The following HARS2 variants were observed in gnomAD, a reference collection of about 807,000 sequenced individuals.
HARS2 encodes histidyl-tRNA synthetase 2, mitochondrial.
Under a neutral mutation model 62.4 loss-of-function variants are expected in HARS2, and 40 were observed. The ratio of observed to expected loss-of-function variants is 0.64; its 90% confidence interval spans 0.50 to 0.83. HARS2 has a LOEUF of 0.83. Ranked by LOEUF, HARS2 falls within the 40% of genes least tolerant of loss-of-function variation. The probability of loss-of-function intolerance (pLI) is 0.00; values close to 1 mark genes in which losing one functional copy is unlikely to be tolerated. For synonymous variants in HARS2, 228 were observed against 227.0 expected, an observed-to-expected ratio of 1.00 and a Z score of -0.04; for missense variants, 569 against 626.4, an observed-to-expected ratio of 0.91 and a Z score of 0.98.
intron 1 of HARS2, 62 bp downstream of exon 1, chr5:140,691,818 C>A: frequency 8.7e-7 from 1 of 1,145,798 alleles, no homozygotes; most frequent in Non-Finnish European, 1.3e-6. Context: ...GAACGCATAG[C>A]CTCGCGGCCT....
chr5:140,692,183 A>C, intron 1 of HARS2: 1 of 192,570 alleles, frequency 5.2e-6, no homozygotes, highest in Non-Finnish European at 1.1e-5. Flanking sequence ...AATCTCAGAA[A>C]AACATTTTCA....
intron 2 of HARS2, 114 bp from the exon 3 acceptor site, chr5:140,693,821 T>G: frequency 7.7e-7 from 1 of 1,304,570 alleles, no homozygotes; most frequent in South Asian, 1.2e-5. Flanking sequence ...TCATTTGAAC[T>G]CAGTAGATTT....
chr5:140,693,446 G>A, intron 1 of HARS2, 145 bp from the exon 2 acceptor site: 1 of 1,527,530 alleles, frequency 6.5e-7, no homozygotes, highest in Non-Finnish European at 8.9e-7. Context: ...GGGTGGGACT[G>A]AGATTGGGAT....
At chr5:140,695,363 G>A (rs564816857) in intron 4 of HARS2, 145 bp from the exon 5 acceptor site, 10 of 878,254 alleles carry the variant, frequency 1.1e-5, no homozygotes, top group East Asian at 2.4e-5. Flanking sequence ...TCCAAGCACT[G>A]CTAGGCCTTG....
Position 140,698,906 on chromosome 5 carries a change from G to A in HARS2, c.*354G>A, listed in dbSNP as rs539680299. 80 of 344,550 alleles carry A rather than the reference G, an allele frequency of 2.3e-4. 2 individuals carry two copies. Among genetic ancestry groups the A allele is most frequent in the South Asian group, 2.2e-3 (80 of 36,656 alleles). 21.3% of individuals were successfully genotyped at this position (344,550 alleles called of 1,614,324 possible). A position where few individuals can be genotyped will look rare whatever the true frequency, so the allele number is the denominator to read the frequency against. Reference sequence around the variant, plus strand: ...TCAGGATTCTGAACCATTGAGATCAGAAACCAGATACTTAGCCTTCTACTG... The same window carrying A: ...TCAGGATTCTGAACCATTGAGATCAAAAACCAGATACTTAGCCTTCTACTG... On this transcript the variant is annotated 3_prime_UTR_variant, in exon 13 of 13. Transcript: ENST00000230771.
intron 11 of HARS2, 44 bp from the exon 12 acceptor site, chr5:140,697,888 T>A: frequency 6.3e-7 from 1 of 1,599,750 alleles, no homozygotes; most frequent in Non-Finnish European, 8.6e-7. Flanking sequence ...GGTTTGTTGC[T>A]GTGTTCACTT....
At chr5:140,693,466 G>C (rs778893118) in intron 1 of HARS2, 125 bp from the exon 2 acceptor site, 1 of 1,575,846 alleles carries the variant, frequency 6.3e-7, no homozygotes, top group Non-Finnish European at 8.6e-7. Context: ...TAGATGAAAT[G>C]GTGCTTTGGC....
rs370203603 is a variant in HARS2, at chr5:140,693,627, C to T, written c.145C>T (p.His49Tyr). 9.3e-6 allele frequency: 15 copies of T among 1,613,946 alleles called. No individual in the cohort carries two copies. The African/African-American group carries it at 1.9e-4, about 20-fold the overall frequency. ...AGTGTTAACATCCCAACTGAAAGCA[C>T]ATCAAGAGAAACCAAATTTTATTAT... ...EAVLTSQLKA[H>Y]QEKPNFIIKT... Residue 49 changes from histidine to tyrosine, a missense_variant, in exon 2 of 13, where the codon CAT becomes TAT. Coordinates refer to ENST00000230771, the MANE Select transcript of HARS2 (RefSeq NM_012208.4).
intron 12 of HARS2, 72 bp downstream of exon 12, chr5:140,698,150 T>C (rs1759833447): frequency 7.2e-7 from 1 of 1,389,410 alleles, no homozygotes; most frequent in Non-Finnish European, 1.0e-6. Context: ...GAAATATGCA[T>C]CTTCTGGCTG....
At chr5:140,693,788 G>A (rs1759638123) in intron 2 of HARS2, 123 bp downstream of exon 2, 1 of 1,196,062 alleles carries the variant, frequency 8.4e-7, no homozygotes, top group Non-Finnish European at 1.3e-6. Flanking sequence ...TACTATTCTT[G>A]AGATACTAGG....
In HARS2 at chr5:140,697,060, T is replaced by C. The variant is rs778550521; in HGVS notation, c.944T>C (p.Ile315Thr). 1.2e-6 allele frequency: 2 copies of C among 1,614,156 alleles called. No homozygotes were observed. Among genetic ancestry groups the C allele is most frequent in the Non-Finnish European group, 1.7e-6 (2 of 1,180,026 alleles). The change falls in exon 9 of 13, where the codon ATT (isoleucine) becomes ACT (threonine). Residue 315 changes from isoleucine to threonine, a missense_variant. By Grantham distance (89) the Ile-to-Thr change is moderately conservative. Transcript: ENST00000230771. ...TTTGAATACCTGACTTTATTTGGAATTGCTGATAAGGTAAGCTGAATTGCA... is the reference window on the plus strand; with the variant it reads ...TTTGAATACCTGACTTTATTTGGAACTGCTGATAAGGTAAGCTGAATTGCA... ...LLFEYLTLFG[I>T]ADKISFDLSL...
chr5:140,697,099 C>T (rs1759774811), intron 9 of HARS2, 29 bp downstream of exon 9: 2 of 1,614,158 alleles, frequency 1.2e-6, no homozygotes, highest in Non-Finnish European at 1.7e-6. Context: ...GGACCTCCTG[C>T]TGAGCTCTAG....
rs764727361 is a variant in HARS2, at chr5:140,697,386, A to G, written c.1177A>G (p.Ile393Val). The G allele has an allele frequency of 4.3e-6, 7 of 1,613,936 alleles. No homozygotes were observed. Among genetic ancestry groups the G allele is most frequent in the Non-Finnish European group, 5.9e-6 (7 of 1,180,024 alleles). ...LSIGVERIFY[I>V]VEQRMKTKGE... ...CATTGGGGTTGAGCGAATCTTCTAC[A>G]TTGTGGAGCAGAGGATGAAGGTAGG... The change falls in exon 10 of 13, where the codon ATT becomes GTT. Residue 393 changes from isoleucine to valine, a missense_variant. Physicochemically the swap from Ile to Val is conservative, Grantham distance 29 (BLOSUM62 3). Coordinates refer to ENST00000230771, the MANE Select transcript of HARS2 (RefSeq NM_012208.4).
chr5:140,697,563 T>C lies in HARS2; in HGVS notation c.1198-6T>C, dbSNP rs765844783. 1.2e-6 allele frequency: 2 copies of C among 1,609,940 alleles called. No individual in the cohort carries two copies. The highest frequency in any genetic ancestry group is 1.1e-5 in the South Asian group (1 of 91,012). ...TTATTAGTTTTACTTTCTTCTCTCT[T>C]ATTAGACCAAAGGTGAGAAGGTGCG... is the stretch of plus-strand genomic sequence containing the variant. On this transcript the variant is annotated splice_polypyrimidine_tract_variant and splice_region_variant and intron_variant, in intron 10 of 12. Coordinates refer to ENST00000230771, the MANE Select transcript of HARS2 (RefSeq NM_012208.4).
Position 140,698,877 on chromosome 5 carries a change from A to G in HARS2, c.*325A>G. ...AGCAAGGCTCTGGGAGAGTCACCTCAGGCTCAGGATTCTGAACCATTGAGA... is the reference window on the plus strand; with the variant it reads ...AGCAAGGCTCTGGGAGAGTCACCTCGGGCTCAGGATTCTGAACCATTGAGA... On this transcript the variant is annotated 3_prime_UTR_variant, in exon 13 of 13. Coordinates refer to ENST00000230771, the MANE Select transcript of HARS2 (RefSeq NM_012208.4). 1 of 402,068 alleles carries G rather than the reference A, an allele frequency of 2.5e-6. No individual in the cohort carries two copies. The highest frequency in any genetic ancestry group is 4.7e-6 in the Non-Finnish European group (1 of 212,942). 24.9% of individuals were successfully genotyped at this position (402,068 alleles called of 1,614,324 possible).
intron 2 of HARS2, 70 bp downstream of exon 2, chr5:140,693,735 C>T: frequency 1.5e-6 from 2 of 1,326,968 alleles, no homozygotes; most frequent in Non-Finnish European, 2.2e-6. Flanking sequence ...GCATGTCTCT[C>T]TGACCCCTTT....
intron 1 of HARS2, 113 bp downstream of exon 1, chr5:140,691,869 A>G (rs773510778): frequency 1.8e-4 from 135 of 760,718 alleles, no homozygotes; most frequent in Non-Finnish European, 2.5e-4. Flanking sequence ...TCGAGTGCCC[A>G]CTATGTACTG....
rs1179398810 is a variant in HARS2, at chr5:140,698,805, T to G, written c.*253T>G. On this transcript the variant is annotated 3_prime_UTR_variant, in exon 13 of 13. Transcript: ENST00000230771. Reference sequence around the variant, plus strand: ...CATGCTCTAGCTGCAGAGGCAAATTTGAAGTGCCACGGAACGTTGTCAAGA... The same window carrying G: ...CATGCTCTAGCTGCAGAGGCAAATTGGAAGTGCCACGGAACGTTGTCAAGA... 9.1e-6 allele frequency: 5 copies of G among 551,558 alleles called. No individual in the cohort carries two copies. The highest frequency in any genetic ancestry group is 6.1e-5 in the Admixed American group (2 of 32,708). The allele number at this position is 551,558 out of a possible 1,614,324, so 34.2% of individuals were successfully genotyped here. A position where few individuals can be genotyped will look rare whatever the true frequency, so the allele number is the denominator to read the frequency against.
intron 1 of HARS2, 184 bp from the exon 2 acceptor site, chr5:140,693,407 G>C (rs1024543739): frequency 6.1e-5 from 73 of 1,190,624 alleles, no homozygotes; most frequent in Non-Finnish European, 8.4e-5. Flanking sequence ...TATTACACGT[G>C]TAATTGTAAA....
Sources: allele counts gnomAD v4.1 joint callset, GRCh38; gene constraint gnomAD v4.1.1; transcripts MANE v1.5; gene names NCBI Gene and HGNC (gene_info 2026-07-23, HGNC 2026-07-21).